Variants in HMCN1 observed in about 807,000 individuals in gnomAD.
The protein encoded by HMCN1 is hemicentin-1.
Under a neutral mutation model 625.9 loss-of-function variants are expected in HMCN1, and 321 were observed. The observed-to-expected ratio is 0.51, with a 90% CI of 0.47 to 0.56. HMCN1 has a LOEUF of 0.56. Ranked by LOEUF, HMCN1 falls within the 20% of genes least tolerant of loss-of-function variation. The probability of loss-of-function intolerance (pLI) is 0.00; values close to 1 mark genes in which losing one functional copy is unlikely to be tolerated. For missense variants in HMCN1, 6,588 were observed against 6,887.3 expected, an observed-to-expected ratio of 0.96 and a Z score of 1.54; for synonymous variants, 2,425 against 2,417.6, an observed-to-expected ratio of 1.00 and a Z score of -0.09.
chr1:185,797,965 C>CA (rs35031310), intron 1 of HMCN1, among the ~76,000 whole-genome samples: 6,590 of 13,606 alleles, frequency 0.48, 2,711 homozygotes, highest in Non-Finnish European at 0.59. Flanking sequence ...GACTCCGTCT[C>CA]AAAAAAAAAA....
intron 2 of HMCN1, 106 bp from the exon 3 acceptor site, chr1:185,864,364 A>G: frequency 9.5e-7 from 1 of 1,055,270 alleles, no homozygotes; most frequent in Non-Finnish European, 1.4e-6. Context: ...CAGAAAATAA[A>G]AAGGAAAACT....
chr1:185,892,912 C>G (rs961820262), intron 4 of HMCN1, among the ~76,000 whole-genome samples: 2 of 152,150 alleles, frequency 1.3e-5, no homozygotes, highest in African/African-American at 4.8e-5. Flanking sequence ...CCCCCAGCCT[C>G]GCTGCCGCCT....
At chr1:185,768,685 C>T (rs2102140359) in intron 1 of HMCN1, among the ~76,000 whole-genome samples, 1 of 152,314 alleles carries the variant, frequency 6.6e-6, no homozygotes. Flanking sequence ...GCGGCTCACG[C>T]CTGTGATCCT....
rs1241414928 is a variant in HMCN1 at position 185,990,450 on chromosome 1, G to T, written c.3377+7G>T. On this transcript the variant is annotated splice_region_variant and intron_variant, in intron 22 of 106. Transcript: ENST00000271588. ...TCTCACCGTTCTCTCCAAGGTAGGA[G>T]ATCTGGGATGAATTGCAACACATGA... The T allele has an allele frequency of 1.2e-6, 2 of 1,613,128 alleles. No individual in the cohort carries two copies. The highest frequency in any genetic ancestry group is 1.7e-6 in the Non-Finnish European group (2 of 1,179,260).
chr1:186,109,610 G>A (rs989589402), intron 71 of HMCN1, among the ~76,000 whole-genome samples: 4 of 152,160 alleles, frequency 2.6e-5, no homozygotes, highest in African/African-American at 7.2e-5. Context: ...AGACTAAAGG[G>A]TAAGGAACAG....
chr1:185,950,830 G>T (rs538032889), intron 11 of HMCN1, among the ~76,000 whole-genome samples: 3 of 152,068 alleles, frequency 2.0e-5, no homozygotes, highest in Non-Finnish European at 4.4e-5. Context: ...GAGGATAGGA[G>T]AGTATATGGG....
At chr1:186,187,410 C>T (rs1653403046) in intron 105 of HMCN1, among the ~76,000 whole-genome samples, 1 of 152,132 alleles carries the variant, frequency 6.6e-6, no homozygotes, top group Non-Finnish European at 1.5e-5. Context: ...ATATCTAAGA[C>T]CCTATTTTCC....
intron 105 of HMCN1, among the ~76,000 whole-genome samples, chr1:186,187,628 C>CCAT (rs1342286599): frequency 1.3e-5 from 2 of 152,150 alleles, no homozygotes; most frequent in African/African-American, 4.8e-5. Context: ...TAATATCTCC[C>CCAT]CATCACTTTT....
chr1:185,998,736 G>A (rs1016728125), intron 25 of HMCN1, among the ~76,000 whole-genome samples: 8 of 151,826 alleles, frequency 5.3e-5, no homozygotes, highest in Admixed American at 2.0e-4. Flanking sequence ...ACTAGACATC[G>A]TTTTCATTAT....
intron 1 of HMCN1, among the ~76,000 whole-genome samples, chr1:185,835,884 G>T (rs767185276): frequency 6.6e-6 from 1 of 152,090 alleles, no homozygotes; most frequent in African/African-American, 2.4e-5. Flanking sequence ...AGTGTTAGAA[G>T]TCTGAACAGT....
chr1:186,164,700 A>G (rs149615872), intron 97 of HMCN1, among the ~76,000 whole-genome samples: 2,270 of 152,242 alleles, frequency 0.015, 26 homozygotes, highest in Non-Finnish European at 0.023. Context: ...CAGAGTTTCT[A>G]TTTTTCACGG....
intron 2 of HMCN1, among the ~76,000 whole-genome samples, chr1:185,854,356 T>C (rs1662336073): frequency 6.6e-6 from 1 of 152,166 alleles, no homozygotes; most frequent in African/African-American, 2.4e-5. Flanking sequence ...GAATATCACT[T>C]GTCCAGTTAC....
At chr1:186,059,853 G>A (rs571834116) in intron 46 of HMCN1, among the ~76,000 whole-genome samples, 7 of 151,968 alleles carry the variant, frequency 4.6e-5, no homozygotes, top group Non-Finnish European at 2.9e-5. Context: ...ACTGGATTAA[G>A]CGAGAAGTCC....
chr1:185,888,411 A>C (rs1210838089), intron 4 of HMCN1, among the ~76,000 whole-genome samples: 2 of 144,656 alleles, frequency 1.4e-5, no homozygotes. Flanking sequence ...GGTAATGCCT[A>C]GGTTTTCTTT....
intron 68 of HMCN1, among the ~76,000 whole-genome samples, chr1:186,095,957 T>G (rs983668526): frequency 6.6e-6 from 1 of 152,216 alleles, no homozygotes; most frequent in Non-Finnish European, 1.5e-5. Flanking sequence ...TTTATTCTTG[T>G]GTGCATTTAA....
chr1:185,945,278 C>G (rs1332482546), intron 11 of HMCN1, among the ~76,000 whole-genome samples: 1 of 152,160 alleles, frequency 6.6e-6, no homozygotes, highest in Non-Finnish European at 1.5e-5. Context: ...CTACCTCATT[C>G]ATACTATGTA....
At chr1:185,748,034 ATTTTT>A (rs36021341) in intron 1 of HMCN1, among the ~76,000 whole-genome samples, 3 of 118,144 alleles carry the variant, frequency 2.5e-5, no homozygotes, top group South Asian at 5.7e-4. Flanking sequence ...GGTACTTAAA[ATTTTT>A]TTTTTTTTTT....
intron 1 of HMCN1, among the ~76,000 whole-genome samples, chr1:185,737,435 C>T (rs977403486): frequency 1.3e-5 from 2 of 152,108 alleles, no homozygotes; most frequent in Non-Finnish European, 2.9e-5. Flanking sequence ...CAGGCAGGAG[C>T]ATCTTGGAAT....
chr1:186,128,190 A>G lies in HMCN1; in HGVS notation c.12803A>G (p.Asp4268Gly). Residue 4268 changes from aspartate to glycine, a missense_variant, in exon 83 of 107, where the codon GAC (aspartate) becomes GGC (glycine). This residue lies in a region of HMCN1 where 1,954 missense variants were observed against 2,013.1 expected (regional missense o/e 0.97). Transcript: ENST00000271588. ...CCCACTTTTACTGAACTTCCTGGAG[A>G]CGTGTCATTAAATAAAGGAGAACAG... ...VLPTFTELPGDVSLNKGEQLR... is the reference protein window; with the variant it reads ...VLPTFTELPGGVSLNKGEQLR... 2 of 1,613,618 alleles carry G rather than the reference A, an allele frequency of 1.2e-6. No homozygotes were observed. Among genetic ancestry groups the G allele is most frequent in the Non-Finnish European group, 1.7e-6 (2 of 1,179,748 alleles).
Sources: gnomAD v4.1 joint callset for allele counts (sites outside exome capture counted in the v4.1 genomes callset) on GRCh38, gnomAD v4.1.1 for gene constraint, gnomAD v4.1.1 regional missense constraint, MANE v1.5 for transcripts, NCBI Gene and HGNC (gene_info 2026-07-23, HGNC 2026-07-21) for gene names.